NFASC: variants seen among roughly 807,000 people sequenced by gnomAD.
NFASC encodes neurofascin homolog.
In NFASC, 43 loss-of-function variants were observed where a neutral mutation model predicts 147.5. The observed-to-expected ratio is 0.29, with a 90% CI of 0.23 to 0.38. The LOEUF (loss-of-function observed/expected upper bound fraction) is 0.38, where lower values mean the gene tolerates loss of function less well. Among genes scored for constraint, NFASC ranks in the 10% least tolerant of loss-of-function variants. The probability of loss-of-function intolerance (pLI) is 1.00; values close to 1 mark genes in which losing one functional copy is unlikely to be tolerated. For synonymous variants in NFASC, 622 were observed against 665.5 expected (o/e 0.93, Z 1.01); for missense variants, 1,320 against 1,689.0 (o/e 0.78, Z 3.83).
chr1:204,984,389 A>ATATATATATATACGCG (rs1306814432), intron 21 of NFASC: 3 of 74,282 alleles, frequency 4.0e-5, no homozygotes, highest in Non-Finnish European at 1.0e-4. Context: ...ACGCATATAT[A>ATATATATATATACGCG]TATATATATA....
At chr1:204,941,063 T>C (rs1422029874) in intron 2 of NFASC, among the ~76,000 whole-genome samples, 1 of 152,250 alleles carries the variant, frequency 6.6e-6, no homozygotes, top group African/African-American at 2.4e-5. Context: ...GTACTTTTCC[T>C]GTATATACAA....
intron 21 of NFASC, among the ~76,000 whole-genome samples, chr1:204,982,478 CG>C (rs2095527855): frequency 6.6e-6 from 1 of 152,322 alleles, no homozygotes; most frequent in African/African-American, 2.4e-5. Context: ...GAGGTTCCCC[CG>C]GGGAAGCCTT....
At chr1:204,902,819 G>T (rs919787347) in intron 1 of NFASC, among the ~76,000 whole-genome samples, 20 of 152,186 alleles carry the variant, frequency 1.3e-4, no homozygotes, top group African/African-American at 4.3e-4. Flanking sequence ...CTGCCAGTGA[G>T]GGGGAGAGGC....
intron 1 of NFASC, among the ~76,000 whole-genome samples, chr1:204,874,299 G>A (rs915724316): frequency 5.3e-5 from 8 of 152,170 alleles, no homozygotes; most frequent in Non-Finnish European, 1.0e-4. Flanking sequence ...CCCTTTTGTC[G>A]TAGGAGCCAG....
chr1:204,878,172 G>T (rs1314592060), intron 1 of NFASC, among the ~76,000 whole-genome samples: 1 of 152,164 alleles, frequency 6.6e-6, no homozygotes, highest in African/African-American at 2.4e-5. Context: ...ACTAGGTACT[G>T]GTTCAAGGTG....
At chr1:204,957,850 G>A in intron 8 of NFASC, 24 bp downstream of exon 8, 1 of 1,612,768 alleles carries the variant, frequency 6.2e-7, no homozygotes, top group Non-Finnish European at 8.5e-7. Context: ...CCTGTCCCGG[G>A]GCTGGGGGCC....
At chr1:204,835,216 T>C (rs1008026606) in intron 1 of NFASC, among the ~76,000 whole-genome samples, 4 of 87,734 alleles carry the variant, frequency 4.6e-5, no homozygotes, top group South Asian at 3.5e-4. Context: ...GGTGGGTCTT[T>C]TTTTTTTTTT....
chr1:205,017,132 T>C lies in NFASC; in HGVS notation c.*593T>C. On this transcript the variant is annotated 3_prime_UTR_variant, in exon 30 of 30. Coordinates refer to ENST00000339876, the MANE Select transcript of NFASC (RefSeq NM_001005388.3). ...AAGGATGCCTTTCTCGCCATATGCC[T>C]CCCCTGGCCCCCAGCCCCTCTGCCT... is the stretch of plus-strand genomic sequence containing the variant. 5.9e-6 allele frequency: 1 copy of C among 169,536 alleles called. No individual in the cohort carries two copies. Among genetic ancestry groups the C allele is most frequent in the Non-Finnish European group, 1.3e-5 (1 of 76,900 alleles). 10.5% of individuals were successfully genotyped at this position (169,536 alleles called of 1,614,324 possible). A position where few individuals can be genotyped will look rare whatever the true frequency, so the allele number is the denominator to read the frequency against.
rs567602306 is a variant in NFASC, at chr1:204,852,808, C to T, written c.-200+24026C>T. Among the ~76,000 whole-genome samples, 3 of 152,340 alleles carry T rather than the reference C, an allele frequency of 2.0e-5. No individual in the cohort carries two copies. The South Asian group carries it at 6.2e-4, about 32-fold the overall frequency. On this transcript the variant is annotated intron_variant, in intron 1 of 29. Transcript: ENST00000339876. Reference sequence around the variant, plus strand: ...GTGGCACCATGGAGCTCTCACCAGCCTCCTGGGCTTGCCTCATCTGGGTGA... The same window carrying T: ...GTGGCACCATGGAGCTCTCACCAGCTTCCTGGGCTTGCCTCATCTGGGTGA...
At chr1:204,898,279 T>C (rs1301609970) in intron 1 of NFASC, among the ~76,000 whole-genome samples, 1 of 152,236 alleles carries the variant, frequency 6.6e-6, no homozygotes, top group African/African-American at 2.4e-5. Flanking sequence ...TATTTAGGAT[T>C]TGAAGAACCT....
intron 1 of NFASC, among the ~76,000 whole-genome samples, chr1:204,843,476 C>A (rs751278633): frequency 1.3e-5 from 2 of 152,168 alleles, no homozygotes; most frequent in Non-Finnish European, 2.9e-5. Flanking sequence ...ATACTAATTT[C>A]TCTGTGTGTC....
Position 204,877,070 on chromosome 1 carries a change from A to ATATATATAATATATTTATTTATATATT in NFASC, c.-199-43554_-199-43553insATATATTTATTTATATATTTATATATA, listed in dbSNP as rs1558550280. Among the ~76,000 whole-genome samples the ATATATATAATATATTTATTTATATATT allele has an allele frequency of 1.8e-3, 201 of 112,020 alleles. 12 individuals carry two copies. Among genetic ancestry groups the ATATATATAATATATTTATTTATATATT allele is most frequent in the Middle Eastern group, 8.3e-3 (2 of 242 alleles). The allele number at this position is 112,020 out of a possible 152,430, so 73.5% of individuals were successfully genotyped here. ...ATATAATATATTTATTTATATATTT[A>ATATATATAATATATTTATTTATATATT]TATATATATAATATATTTATTTATA... is the stretch of plus-strand genomic sequence containing the variant. On this transcript the variant is annotated intron_variant, in intron 1 of 29. Coordinates refer to ENST00000339876, the MANE Select transcript of NFASC (RefSeq NM_001005388.3).
At chr1:204,996,898 C>T (rs758730564) in intron 24 of NFASC, among the ~76,000 whole-genome samples, 14 of 152,146 alleles carry the variant, frequency 9.2e-5, no homozygotes, top group Non-Finnish European at 1.3e-4. Context: ...CTCATCCTCA[C>T]GCATCCTTGG....
At chr1:204,866,932 TC>T (rs1187897975) in intron 1 of NFASC, among the ~76,000 whole-genome samples, 1 of 152,184 alleles carries the variant, frequency 6.6e-6, no homozygotes, top group Admixed American at 6.5e-5. Context: ...TGGATTGGCT[TC>T]CTGGAGGAGG....
At position 204,975,654 on chromosome 1, in the gene NFASC, ACCT is replaced by A. The variant is rs1483267224; in HGVS notation, c.1706+241_1706+243del. On this transcript the variant is annotated intron_variant, in intron 15 of 29. Transcript: ENST00000339876. The surrounding 1 kb of genome is among the most constrained non-coding windows in gnomAD (Gnocchi z 4.0). Reference sequence around the variant, plus strand: ...CCAGCTCCCTGCTTCTCTCTCCTACACCTCCTCTCTCTCCCTCTTCTCAATCTC... The same window carrying A: ...CCAGCTCCCTGCTTCTCTCTCCTACACCTCTCTCTCCCTCTTCTCAATCTC... Among the ~76,000 whole-genome samples the A allele has an allele frequency of 2.1e-5, 3 of 144,778 alleles. No homozygotes were observed. The highest frequency in any genetic ancestry group is 7.7e-5 in the African/African-American group (3 of 38,768). The allele number at this position is 144,778 out of a possible 152,430, so 95.0% of individuals were successfully genotyped here. A position where few individuals can be genotyped will look rare whatever the true frequency, so the allele number is the denominator to read the frequency against.
chr1:204,862,697 G>A (rs2076771688), intron 1 of NFASC, among the ~76,000 whole-genome samples: 1 of 152,182 alleles, frequency 6.6e-6, no homozygotes, highest in African/African-American at 2.4e-5. Context: ...ATCTTCATAA[G>A]GGTTAGGAGG....
intron 1 of NFASC, among the ~76,000 whole-genome samples, chr1:204,880,323 AT>A (rs200143641): frequency 5.3e-5 from 8 of 151,630 alleles, no homozygotes; most frequent in East Asian, 1.9e-4. Flanking sequence ...TTTTAATGTA[AT>A]TTTTTTTCTC....
intron 1 of NFASC, among the ~76,000 whole-genome samples, chr1:204,831,903 T>C (rs1291370566): frequency 6.6e-6 from 1 of 152,070 alleles, no homozygotes; most frequent in East Asian, 1.9e-4. Context: ...ATCAGACAAA[T>C]AACAGATAAG....
chr1:204,903,139 T>C (rs953054361), intron 1 of NFASC, among the ~76,000 whole-genome samples: 15 of 152,130 alleles, frequency 9.9e-5, no homozygotes. Context: ...CCCCCACAAG[T>C]TTTGACCAAT....
Sources: gnomAD v4.1 joint callset for allele counts (sites outside exome capture counted in the v4.1 genomes callset) on GRCh38, gnomAD v4.1.1 for gene constraint, Gnocchi (gnomAD v3.1) non-coding constraint, MANE v1.5 for transcripts, NCBI Gene and HGNC (gene_info 2026-07-23, HGNC 2026-07-21) for gene names.